The following MCPH1 variants were observed in gnomAD, a reference collection of about 807,000 sequenced individuals.
The protein encoded by MCPH1 is microcephalin 1.
A neutral mutation model predicts 84.5 loss-of-function variants in MCPH1; 104 were observed. That is an observed-to-expected ratio of 1.23 (90% CI 1.05 to 1.45). MCPH1 has a LOEUF of 1.45. Ranked by LOEUF, MCPH1 falls within the 40% of genes most tolerant of loss-of-function variation. The pLI is 0.00. For synonymous variants in MCPH1, 514 were observed against 366.8 expected (o/e 1.40, Z -4.58); for missense variants, 1,498 against 1,005.7 (o/e 1.49, Z -6.62).
At chr8:6,471,075 A>G (rs1251069204) in intron 9 of MCPH1, among the ~76,000 whole-genome samples, 1 of 152,106 alleles carries the variant, frequency 6.6e-6, no homozygotes, top group Non-Finnish European at 1.5e-5. Context: ...ATTTGGGGGA[A>G]TGCCTTTTTT....
chr8:6,490,842 GTTCTTT>G (rs1810481375), intron 11 of MCPH1, among the ~76,000 whole-genome samples: 1 of 151,872 alleles, frequency 6.6e-6, no homozygotes, highest in Non-Finnish European at 1.5e-5. Context: ...CTGTTTTTTA[GTTCTTT>G]TTCTTGGGTT....
chr8:6,418,390 G>GTTTAT (rs1213380705), intron 3 of MCPH1, among the ~76,000 whole-genome samples: 1 of 151,908 alleles, frequency 6.6e-6, no homozygotes, highest in Non-Finnish European at 1.5e-5. Flanking sequence ...CACATAGTTG[G>GTTTAT]TTTATTTTAT....
At chr8:6,585,491 G>A (rs1293643184) in intron 12 of MCPH1, among the ~76,000 whole-genome samples, 2 of 152,204 alleles carry the variant, frequency 1.3e-5, no homozygotes, top group South Asian at 2.1e-4. Flanking sequence ...ATTGTCGGCC[G>A]CCTCGAAAAC....
intron 8 of MCPH1, 22 bp downstream of exon 8, chr8:6,445,569 A>C (rs1445070858): frequency 1.3e-6 from 2 of 1,557,528 alleles, no homozygotes; most frequent in African/African-American, 1.4e-5. Flanking sequence ...TCCTTTTCCA[A>C]GTCACCTTCG....
chr8:6,520,359 T>A (rs1034132383), intron 12 of MCPH1, among the ~76,000 whole-genome samples: 4 of 152,154 alleles, frequency 2.6e-5, no homozygotes, highest in African/African-American at 9.7e-5. Flanking sequence ...ATGGAAGAAT[T>A]TAAAAAGAAT....
At chr8:6,641,643 C>G (rs1203580806) in intron 13 of MCPH1, among the ~76,000 whole-genome samples, 1 of 152,168 alleles carries the variant, frequency 6.6e-6, no homozygotes, top group African/African-American at 2.4e-5. Flanking sequence ...ACCTGGGAAG[C>G]TGAGTCTGGA....
In MCPH1 at chr8:6,497,657, G is replaced by T. The variant is rs75645970; in HGVS notation, c.2137-2195G>T. Among the ~76,000 whole-genome samples the T allele has an allele frequency of 2.9e-3, 448 of 152,230 alleles. 4 individuals are homozygous for T. Among genetic ancestry groups the T allele is most frequent in the African/African-American group, 0.01 (416 of 41,534 alleles). ...ATGATGTGTGAACACGGGATGACTG[G>T]GTACAACACATGTAGCACTCCAGTG... is the stretch of plus-strand genomic sequence containing the variant. On this transcript the variant is annotated intron_variant, in intron 11 of 13. Transcript: ENST00000344683.
At chr8:6,633,902 TTA>T (rs1797346322) in intron 13 of MCPH1, among the ~76,000 whole-genome samples, 1 of 152,234 alleles carries the variant, frequency 6.6e-6, no homozygotes, top group African/African-American at 2.4e-5. Flanking sequence ...GAGGAATAAT[TTA>T]TGTTTATCAA....
At chr8:6,448,778 T>C (rs754780111) in intron 8 of MCPH1, among the ~76,000 whole-genome samples, 1 of 152,208 alleles carries the variant, frequency 6.6e-6, no homozygotes, top group Non-Finnish European at 1.5e-5. Flanking sequence ...CATTTTCTAA[T>C]AGAGCCTATA....
At chr8:6,622,101 T>A in intron 13 of MCPH1, 1 of 330,156 alleles carries the variant, frequency 3.0e-6, no homozygotes. Context: ...CCCGTCCCTG[T>A]CATCTCCTCT....
intron 12 of MCPH1, among the ~76,000 whole-genome samples, chr8:6,511,503 A>C (rs1164718957): frequency 6.6e-6 from 1 of 152,158 alleles, no homozygotes; most frequent in Non-Finnish European, 1.5e-5. Flanking sequence ...TGCATTTCTT[A>C]TAACATGTAT....
chr8:6,447,995 C>G (rs1163424827), intron 8 of MCPH1, among the ~76,000 whole-genome samples: 3 of 152,166 alleles, frequency 2.0e-5, no homozygotes, highest in Non-Finnish European at 4.4e-5. Flanking sequence ...TCCTCACTTG[C>G]CTCTTTTCAC....
chr8:6,640,879 C>G (rs1339910192), intron 13 of MCPH1, among the ~76,000 whole-genome samples: 1 of 152,182 alleles, frequency 6.6e-6, no homozygotes, highest in Non-Finnish European at 1.5e-5. Context: ...TTTTTAATAA[C>G]TAATTTATTG....
At chr8:6,420,881 A>C (rs1800089550) in intron 3 of MCPH1, among the ~76,000 whole-genome samples, 1 of 152,194 alleles carries the variant, frequency 6.6e-6, no homozygotes, top group Non-Finnish European at 1.5e-5. Flanking sequence ...AGCATAAGGC[A>C]AAAGAAGAGA....
chr8:6,419,171 A>G (rs1799785413), intron 3 of MCPH1, among the ~76,000 whole-genome samples: 1 of 37,452 alleles, frequency 2.7e-5, no homozygotes. Context: ...ACACACACAC[A>G]CACACACACA....
At chr8:6,633,565 A>G (rs1188920030) in intron 13 of MCPH1, among the ~76,000 whole-genome samples, 1 of 152,222 alleles carries the variant, frequency 6.6e-6, no homozygotes, top group Non-Finnish European at 1.5e-5. Context: ...GACAGGGCAT[A>G]GTCAAAGCAC....
chr8:6,479,595 C>T (rs965698726), intron 10 of MCPH1, among the ~76,000 whole-genome samples: 4 of 151,814 alleles, frequency 2.6e-5, no homozygotes, highest in East Asian at 1.9e-4. Flanking sequence ...CGACCACGCC[C>T]GGCTAATTTT....
At chr8:6,612,889 AC>A (rs1379426604) in intron 12 of MCPH1, among the ~76,000 whole-genome samples, 11 of 152,222 alleles carry the variant, frequency 7.2e-5, no homozygotes, top group Admixed American at 7.2e-4. Flanking sequence ...AAGTTTTGTT[AC>A]AAAAAGATGC....
At chr8:6,525,749 G>C (rs1299998692) in intron 12 of MCPH1, among the ~76,000 whole-genome samples, 1 of 152,106 alleles carries the variant, frequency 6.6e-6, no homozygotes, top group Non-Finnish European at 1.5e-5. Context: ...ATTATTTATA[G>C]CTGTTGATGA....
Sources: gnomAD v4.1 joint callset for allele counts (sites outside exome capture counted in the v4.1 genomes callset) on GRCh38, gnomAD v4.1.1 for gene constraint, MANE v1.5 for transcripts, NCBI Gene and HGNC (gene_info 2026-07-23, HGNC 2026-07-21) for gene names.